Variants in LCA5L observed in about 807,000 individuals in gnomAD.
LCA5L encodes the protein lebercilin-like protein.
LCA5L carries 35 observed loss-of-function variants against 45.4 expected under a neutral mutation model. The observed-to-expected ratio is 0.77, with a 90% CI of 0.59 to 1.02. LCA5L has a LOEUF of 1.02. Among genes scored for constraint, LCA5L ranks in the 50% least tolerant of loss-of-function variants. LCA5L has a pLI of 0.00. For synonymous variants in LCA5L, 233 were observed against 264.7 expected (o/e 0.88, Z 1.16); for missense variants, 668 against 761.6 (o/e 0.88, Z 1.45).
chr21:39,433,857 TG>T (rs549075415), intron 3 of LCA5L, among the ~76,000 whole-genome samples: 95 of 147,906 alleles, frequency 6.4e-4, no homozygotes, highest in African/African-American at 2.3e-3. Context: ...CTCCACCTCC[TG>T]GGTTCAAGTG....
chr21:39,406,142 T>C lies in LCA5L; in HGVS notation c.1753A>G (p.Lys585Glu). Residue 585 changes from lysine (K) to glutamate (E), a missense_variant, in exon 11 of 11, where the codon AAA becomes GAA. Coordinates refer to ENST00000288350, the MANE Select transcript of LCA5L (RefSeq NM_152505.4). The stretch of plus-strand genomic sequence containing the variant: ...TCTCTGAAAGTTGTATCCTTCACTT[T>C]TATTCTGGAAGACTTACCAAATGAG... ...EPSFGKSSRI[K>E]VKDTTFRDKK... is the part of the protein sequence containing the mutation. The C allele has an allele frequency of 1.2e-6, 2 of 1,614,258 alleles. No individual in the cohort carries two copies. Among genetic ancestry groups the C allele is most frequent in the Non-Finnish European group, 8.5e-7 (1 of 1,180,052 alleles).
chr21:39,425,050 T>C (rs973354582), intron 5 of LCA5L, among the ~76,000 whole-genome samples: 3 of 152,206 alleles, frequency 2.0e-5, no homozygotes, highest in Non-Finnish European at 4.4e-5. Flanking sequence ...TAGAGGTATA[T>C]GTATGTGTGC....
Position 39,405,864 on chromosome 21 carries a change from T to G in LCA5L, c.*18A>C. ...CAGCATTATATCAAACCAGAATGCA[T>G]TAGGATATTGATTATATTTAAATAA... On this transcript the variant is annotated 3_prime_UTR_variant, in exon 11 of 11. Coordinates refer to ENST00000288350, the MANE Select transcript of LCA5L (RefSeq NM_152505.4). The G allele has an allele frequency of 6.6e-7, 1 of 1,512,726 alleles. No individual in the cohort carries two copies. Among genetic ancestry groups the G allele is most frequent in the Non-Finnish European group, 8.9e-7 (1 of 1,118,098 alleles). 93.7% of individuals were successfully genotyped at this position (1,512,726 alleles called of 1,614,324 possible). A position where few individuals can be genotyped will look rare whatever the true frequency, so the allele number is the denominator to read the frequency against.
chr21:39,434,223 G>A (rs886962036), intron 3 of LCA5L, among the ~76,000 whole-genome samples: 3 of 152,116 alleles, frequency 2.0e-5, no homozygotes, highest in African/African-American at 7.2e-5. Context: ...AACCCAGTTT[G>A]ATTCTTGGCT....
intron 2 of LCA5L, among the ~76,000 whole-genome samples, chr21:39,442,867 G>C (rs561406084): frequency 6.6e-6 from 1 of 152,088 alleles, no homozygotes; most frequent in Admixed American, 6.6e-5. Flanking sequence ...AAAGCTGTGC[G>C]TGTGAATCTG....
chr21:39,410,014 A>G lies in LCA5L; in HGVS notation c.1247T>C (p.Leu416Pro). 1 of 1,593,296 alleles carries G rather than the reference A, an allele frequency of 6.3e-7. No homozygotes were observed. The highest frequency in any genetic ancestry group is 8.6e-7 in the Non-Finnish European group (1 of 1,162,064). The change falls in exon 10 of 11, where the codon CTA becomes CCA. Residue 416 changes from leucine (L) to proline (P), a missense_variant. Coordinates refer to ENST00000288350, the MANE Select transcript of LCA5L (RefSeq NM_152505.4). Reference protein sequence around the residue: ...NHEIPHCVNKLPKQEDSKRKY... With the variant: ...NHEIPHCVNKPPKQEDSKRKY... Reference sequence around the variant, plus strand: ...TCTCTTAGAATCCTCTTGCTTTGGTAGTTTATTCACACAGTGAGGAATTTC... The same window carrying G: ...TCTCTTAGAATCCTCTTGCTTTGGTGGTTTATTCACACAGTGAGGAATTTC...
intron 8 of LCA5L, chr21:39,410,946 T>TCCTA (rs1484745278): frequency 2.1e-6 from 1 of 470,758 alleles, no homozygotes; most frequent in Non-Finnish European, 4.4e-6. Context: ...AGGTGAGTAT[T>TCCTA]CCTATGGTAC....
intron 7 of LCA5L, among the ~76,000 whole-genome samples, chr21:39,414,644 C>CAA (rs1174784380): frequency 1.3e-5 from 2 of 151,256 alleles, no homozygotes; most frequent in African/African-American, 2.4e-5. Context: ...TGCTGTGAGG[C>CAA]AGAAGTGATG....
At chr21:39,407,433 A>G (rs2039267762) in intron 10 of LCA5L, among the ~76,000 whole-genome samples, 1 of 152,214 alleles carries the variant, frequency 6.6e-6, no homozygotes, top group Admixed American at 6.5e-5. Context: ...TTAGGTGAAT[A>G]TACTCTTAGA....
intron 7 of LCA5L, among the ~76,000 whole-genome samples, chr21:39,419,971 TTA>T (rs1235759855): frequency 3.3e-5 from 5 of 152,190 alleles, no homozygotes; most frequent in Non-Finnish European, 5.9e-5. Flanking sequence ...TAAGATAAAT[TTA>T]TGAGTCATTA....
chr21:39,430,845 G>A (rs1046917897), intron 3 of LCA5L, among the ~76,000 whole-genome samples: 12 of 152,144 alleles, frequency 7.9e-5, no homozygotes, highest in African/African-American at 2.9e-4. Context: ...GTAGACCAAT[G>A]AGAATTCCTG....
Position 39,411,760 on chromosome 21 carries a change from G to C in LCA5L, c.1018C>G (p.Arg340Gly), listed in dbSNP as rs758684261. ...GTGTCATGTAAATTTTTAAGTATTC[G>C]ATGACTATAGATGTTTTTAATTTCA... is the stretch of plus-strand genomic sequence containing the variant. ...ELEIKNIYSHRILKNLHDTED... is the reference protein window; with the variant it reads ...ELEIKNIYSHGILKNLHDTED... The change falls in exon 8 of 11, where the codon CGA becomes GGA. Residue 340 changes from arginine to glycine, a missense_variant. Transcript: ENST00000288350. The C allele has an allele frequency of 1.9e-6, 3 of 1,586,776 alleles. No homozygotes were observed. In the South Asian group the frequency reaches 3.5e-5, roughly 18 times the overall value.
intron 3 of LCA5L, among the ~76,000 whole-genome samples, chr21:39,430,382 G>C (rs1318029219): frequency 6.6e-6 from 1 of 152,186 alleles, no homozygotes; most frequent in Non-Finnish European, 1.5e-5. Flanking sequence ...TTTGGATAAA[G>C]GCTTAATTCA....
rs2039870822 is a variant in LCA5L, at chr21:39,410,320, T to C, written c.1108A>G (p.Thr370Ala). Reference sequence around the variant, plus strand: ...TGGGTTCCCTGGTGTCTCATACTTGTGAATGGCAAAATTTTTCTGTCTGCT... The same window carrying C: ...TGGGTTCCCTGGTGTCTCATACTTGCGAATGGCAAAATTTTTCTGTCTGCT... ...VQADRKILPF[T>A]SMRHQGTQKS... is the part of the protein sequence containing the mutation. Residue 370 changes from threonine (T) to alanine (A), a missense_variant, in exon 9 of 11, where the codon ACA becomes GCA. Thr to Ala is a moderately conservative substitution (Grantham distance 58). Transcript: ENST00000288350. The C allele has an allele frequency of 2.5e-6, 4 of 1,611,372 alleles. No homozygotes were observed. The highest frequency in any genetic ancestry group is 1.1e-5 in the South Asian group (1 of 90,174).
At chr21:39,416,404 C>G (rs1254433172) in intron 7 of LCA5L, among the ~76,000 whole-genome samples, 1 of 152,232 alleles carries the variant, frequency 6.6e-6, no homozygotes, top group African/African-American at 2.4e-5. Flanking sequence ...CCTTTTGATA[C>G]TACCCTAATG....
intron 2 of LCA5L, among the ~76,000 whole-genome samples, chr21:39,440,514 G>C (rs2076728912): frequency 6.6e-6 from 1 of 152,072 alleles, no homozygotes; most frequent in Non-Finnish European, 1.5e-5. Context: ...CTCCAGCCCG[G>C]ACAAGAGTGA....
intron 2 of LCA5L, among the ~76,000 whole-genome samples, chr21:39,438,034 CAT>C (rs757163363): frequency 6.6e-5 from 10 of 152,008 alleles, no homozygotes; most frequent in East Asian, 5.8e-4. Context: ...ACAAAATTCA[CAT>C]AGAGAAATAA....
chr21:39,412,430 G>A (rs2040250727), intron 7 of LCA5L, among the ~76,000 whole-genome samples: 1 of 152,128 alleles, frequency 6.6e-6, no homozygotes, highest in Admixed American at 6.5e-5. Flanking sequence ...ACAAAGAAAG[G>A]GTTTTTATTA....
intron 7 of LCA5L, among the ~76,000 whole-genome samples, chr21:39,414,705 G>A (rs2040733711): frequency 8.7e-6 from 1 of 115,102 alleles, no homozygotes. Context: ...CATCTGTCTG[G>A]TTCTCTCCCT....
Sources: gnomAD v4.1 joint callset for allele counts (sites outside exome capture counted in the v4.1 genomes callset) on GRCh38, gnomAD v4.1.1 for gene constraint, MANE v1.5 for transcripts, NCBI Gene and HGNC (gene_info 2026-07-23, HGNC 2026-07-21) for gene names.